The following PAPPA variants were observed in gnomAD, a reference collection of about 807,000 sequenced individuals.
PAPPA encodes the protein pappalysin-1.
In PAPPA, 60 loss-of-function variants were observed where a neutral mutation model predicts 164.0. The observed-to-expected ratio is 0.37, with a 90% CI of 0.30 to 0.45. The LOEUF is 0.45. Among genes scored for constraint, PAPPA ranks in the 20% least tolerant of loss-of-function variants. The pLI, the probability that PAPPA is intolerant of heterozygous loss-of-function variation, is 1.00. For missense variants in PAPPA, 1,782 were observed against 2,087.3 expected (o/e 0.85, Z 2.85); for synonymous variants, 875 against 814.1 (o/e 1.07, Z -1.27).
intron 7 of PAPPA, among the ~76,000 whole-genome samples, chr9:116,237,892 G>A (rs980663693): frequency 3.3e-5 from 5 of 151,902 alleles, no homozygotes; most frequent in Non-Finnish European, 7.4e-5. Flanking sequence ...GCTAATTTTT[G>A]TGTTTTTAGT....
intron 6 of PAPPA, among the ~76,000 whole-genome samples, chr9:116,228,969 C>G (rs1314202031): frequency 6.6e-6 from 1 of 152,154 alleles, no homozygotes; most frequent in Non-Finnish European, 1.5e-5. Flanking sequence ...GTGACCAACA[C>G]AGGCACTATA....
intron 17 of PAPPA, among the ~76,000 whole-genome samples, chr9:116,360,311 G>T (rs1846408506): frequency 6.6e-6 from 1 of 152,194 alleles, no homozygotes; most frequent in African/African-American, 2.4e-5. Context: ...GCGTAAGTTT[G>T]CCACGAGCCC....
chr9:116,253,609 C>T (rs1050178290), intron 7 of PAPPA, among the ~76,000 whole-genome samples: 2 of 152,030 alleles, frequency 1.3e-5, no homozygotes, highest in African/African-American at 4.8e-5. Context: ...TCTCAGTCAA[C>T]AGAAATAAAA....
At chr9:116,394,225 G>A (rs1846932083) in intron 21 of PAPPA, among the ~76,000 whole-genome samples, 1 of 152,136 alleles carries the variant, frequency 6.6e-6, no homozygotes, top group Admixed American at 6.6e-5. Context: ...GAAAGATCGT[G>A]AAATACGAGT....
chr9:116,226,197 C>A (rs570212484), intron 5 of PAPPA, among the ~76,000 whole-genome samples: 7 of 152,210 alleles, frequency 4.6e-5, no homozygotes, highest in African/African-American at 1.7e-4. Context: ...GCATTGAATA[C>A]CACATTATAG....
At position 116,266,000 on chromosome 9, in the gene PAPPA, T is replaced by C; in HGVS notation, c.2861+15T>C. 6.3e-7 allele frequency: 1 copy of C among 1,590,436 alleles called. No homozygotes were observed. Among genetic ancestry groups the C allele is most frequent in the South Asian group, 1.1e-5 (1 of 89,644 alleles). ...ATTATACAAAAGTAAGTAGATCTAA[T>C]TAAAGAAAGAAGAGGAGGGATGCTG... On this transcript the variant is annotated intron_variant, in intron 8 of 21. Transcript: ENST00000328252.
Position 116,187,697 on chromosome 9 carries a change from C to G in PAPPA, c.959C>G (p.Thr320Arg), listed in dbSNP as rs758068595. 1.2e-5 allele frequency: 19 copies of G among 1,614,258 alleles called. No homozygotes were observed. The highest frequency in any genetic ancestry group is 1.5e-5 in the Non-Finnish European group (18 of 1,180,050). Reference protein sequence around the residue: ...FSNAHGFLLDTSLEPPLCGQT... With the variant: ...FSNAHGFLLDRSLEPPLCGQT... ...AATGCCCACGGCTTTCTGCTGGACA[C>G]GAGTCTGGAGCCTCCTCTGTGCGGA... Residue 320 changes from threonine to arginine, a missense_variant, in exon 2 of 22, where the codon ACG becomes AGG. Thr to Arg is a moderately conservative substitution (Grantham distance 71). Transcript: ENST00000328252. This position sits in a 1 kb window ranked among gnomAD's most constrained non-coding sequence, Gnocchi z 4.2.
intron 5 of PAPPA, among the ~76,000 whole-genome samples, chr9:116,224,393 C>G (rs1045333797): frequency 1.3e-5 from 2 of 152,324 alleles, no homozygotes. Context: ...TCATCCATTC[C>G]CTCTGCCTTT....
In PAPPA at chr9:116,399,768, G is replaced by T. The variant is rs1691360171; in HGVS notation, c.*3152G>T. 1 of 152,522 alleles carries T rather than the reference G, an allele frequency of 6.6e-6. No individual in the cohort carries two copies. The highest frequency in any genetic ancestry group is 1.5e-5 in the Non-Finnish European group (1 of 68,020). The allele number at this position is 152,522 out of a possible 1,614,324, so 9.4% of individuals were successfully genotyped here. On this transcript the variant is annotated 3_prime_UTR_variant, in exon 22 of 22. Coordinates refer to ENST00000328252, the MANE Select transcript of PAPPA (RefSeq NM_002581.5). The stretch of plus-strand genomic sequence containing the variant: ...GGAAATGAGTTTTGATGGTGAATTG[G>T]GGTGTTAAGGAAGGGAAAGATTGTC...
rs552483307 is a variant in PAPPA, at chr9:116,280,568, G to C, written c.2953+9152G>C. Among the ~76,000 whole-genome samples the C allele has an allele frequency of 9.9e-4, 151 of 152,350 alleles. 2 individuals carry two copies. Among genetic ancestry groups the C allele is most frequent in the Non-Finnish European group, 3.1e-4 (21 of 68,036 alleles). On this transcript the variant is annotated intron_variant, in intron 9 of 21. Transcript: ENST00000328252. The stretch of plus-strand genomic sequence containing the variant: ...GGAGGGATGAGGCTGAAGTCTAGCA[G>C]TCTCTGATTTCTCAGGCCCTTGAGG...
intron 2 of PAPPA, among the ~76,000 whole-genome samples, chr9:116,192,780 A>G (rs1180038464): frequency 6.6e-6 from 1 of 152,214 alleles, no homozygotes; most frequent in African/African-American, 2.4e-5. Flanking sequence ...GCCATTAGAG[A>G]TGTCTCCACG....
chr9:116,278,183 T>C (rs1159308770), intron 9 of PAPPA, among the ~76,000 whole-genome samples: 1 of 152,242 alleles, frequency 6.6e-6, no homozygotes, highest in Non-Finnish European at 1.5e-5. Flanking sequence ...GATACCCAGC[T>C]GTGCCAGTTT....
At chr9:116,373,981 T>C (rs570505236) in intron 19 of PAPPA, among the ~76,000 whole-genome samples, 49 of 151,990 alleles carry the variant, frequency 3.2e-4, no homozygotes, top group Admixed American at 1.3e-3. Context: ...TAATATTTAT[T>C]AAATAGAGAA....
intron 17 of PAPPA, among the ~76,000 whole-genome samples, chr9:116,355,741 G>C (rs1399753123): frequency 6.6e-6 from 1 of 152,202 alleles, no homozygotes; most frequent in Middle Eastern, 3.2e-3. Context: ...GTATTTAAAG[G>C]AGAGGAAAGT....
Position 116,211,940 on chromosome 9 carries a change from C to T in PAPPA, c.1918+8C>T. 6.2e-7 allele frequency: 1 copy of T among 1,612,498 alleles called. No homozygotes were observed. Among genetic ancestry groups the T allele is most frequent in the Non-Finnish European group, 8.5e-7 (1 of 1,178,872 alleles). On this transcript the variant is annotated splice_region_variant and intron_variant, in intron 4 of 21. Coordinates refer to ENST00000328252, the MANE Select transcript of PAPPA (RefSeq NM_002581.5). ...ACTTCATGAGCTATGCAGGTAGGGC[C>T]CTACACTCTGTAGGGTGAACAGGTC... is the stretch of plus-strand genomic sequence containing the variant.
intron 19 of PAPPA, 92 bp downstream of exon 19, chr9:116,367,846 C>A: frequency 4.8e-6 from 4 of 829,562 alleles, no homozygotes; most frequent in South Asian, 3.0e-5. Context: ...TGAGTTCATT[C>A]TTTCACACAT....
rs10983087 is a variant in PAPPA at position 116,243,834 on chromosome 9, C to T, written c.2732+8197C>T. Among the ~76,000 whole-genome samples, 53 of 152,224 alleles carry T rather than the reference C, an allele frequency of 3.5e-4. 2 individuals are homozygous for T. In the East Asian group the frequency reaches 0.01, roughly 29 times the overall value. ...TAACCTGTTGCTGAAATGCATGATT[C>T]AGGCTGGACCCCTTCCTGAGCAGGG... On this transcript the variant is annotated intron_variant, in intron 7 of 21. Transcript: ENST00000328252.
At chr9:116,387,074 C>T (rs1379414904) in intron 21 of PAPPA, among the ~76,000 whole-genome samples, 3 of 152,166 alleles carry the variant, frequency 2.0e-5, no homozygotes, top group South Asian at 2.1e-4. Context: ...CCCAGGCTAG[C>T]GCTCAGAGAA....
chr9:116,220,852 C>T (rs1472452219), intron 5 of PAPPA, among the ~76,000 whole-genome samples: 2 of 151,070 alleles, frequency 1.3e-5, no homozygotes, highest in African/African-American at 4.9e-5. Context: ...ACCACCGCAT[C>T]TCAGCCTGGG....
Sources: gnomAD v4.1 joint callset for allele counts (sites outside exome capture counted in the v4.1 genomes callset) on GRCh38, gnomAD v4.1.1 for gene constraint, Gnocchi (gnomAD v3.1) non-coding constraint, MANE v1.5 for transcripts, NCBI Gene and HGNC (gene_info 2026-07-23, HGNC 2026-07-21) for gene names.